SYT6: variants seen among roughly 807,000 people sequenced by gnomAD.
SYT6 encodes the protein synaptotagmin 6.
A neutral mutation model predicts 38.4 loss-of-function variants in SYT6; 24 were observed. The observed-to-expected ratio is 0.62, with a 90% CI of 0.45 to 0.88. SYT6 has a LOEUF of 0.88. Ranked by LOEUF, SYT6 falls within the 40% of genes least tolerant of loss-of-function variation. The probability of loss-of-function intolerance (pLI) is 0.00; values close to 1 mark genes in which losing one functional copy is unlikely to be tolerated. For missense variants in SYT6, 611 were observed against 621.0 expected (o/e 0.98, Z 0.17); for synonymous variants, 265 against 241.9 (o/e 1.10, Z -0.89).
At chr1:114,137,424 G>A (rs1678545849) in intron 3 of SYT6, 71 bp downstream of exon 3, 1 of 1,520,988 alleles carries the variant, frequency 6.6e-7, no homozygotes, top group Admixed American at 1.9e-5. Context: ...GGAAGTGAGG[G>A]TTTGGGGACA....
chr1:114,152,363 C>A (rs1422314928), intron 1 of SYT6: 3 of 152,366 alleles, frequency 2.0e-5, no homozygotes, highest in African/African-American at 4.8e-5. Flanking sequence ...CTAGGCCCAG[C>A]GCTACTGGGG....
chr1:114,145,151 C>T (rs958442542), intron 1 of SYT6, among the ~76,000 whole-genome samples: 2 of 152,106 alleles, frequency 1.3e-5, no homozygotes, highest in African/African-American at 4.8e-5. Context: ...AAAACCAAGC[C>T]ATTTTAATAT....
chr1:114,119,868 G>C (rs191821124), intron 3 of SYT6, among the ~76,000 whole-genome samples: 2 of 152,088 alleles, frequency 1.3e-5, no homozygotes, highest in East Asian at 3.9e-4. Flanking sequence ...TCAGGAGATC[G>C]AGACCATCCT....
intron 1 of SYT6, among the ~76,000 whole-genome samples, chr1:114,146,575 G>A (rs1679165893): frequency 6.6e-6 from 1 of 152,208 alleles, no homozygotes; most frequent in Admixed American, 6.5e-5. Context: ...TCCTGATCCA[G>A]TGCTCTTCCA....
chr1:114,103,741 AG>A lies in SYT6; in HGVS notation c.1072-21del. Reference sequence around the variant, plus strand: ...GCTTTCCTGCAAAGAAGCACACAAGAGGGCAGATGAGGGGCTTGCAGACCAT... The same window carrying A: ...GCTTTCCTGCAAAGAAGCACACAAGAGGCAGATGAGGGGCTTGCAGACCAT... On this transcript the variant is annotated intron_variant, in intron 3 of 7. Transcript: ENST00000610222. The A allele has an allele frequency of 6.2e-7, 1 of 1,609,222 alleles. No individual in the cohort carries two copies. The highest frequency in any genetic ancestry group is 1.1e-5 in the South Asian group (1 of 90,166).
At position 114,139,630 on chromosome 1, in the gene SYT6, G is replaced by A. The variant is rs749031646; in HGVS notation, c.497C>T (p.Pro166Leu). The stretch of plus-strand genomic sequence containing the variant: ...CACTCCTCACCTGGTGGATGACGCT[G>A]GCTCTGTAGTTTGCCGCTGCAGCCG... ...HTRLQRQTTE[P>L]ASSTRHTSFK... The change falls in exon 2 of 8, where the codon CCA becomes CTA. Residue 166 changes from proline to leucine, a missense_variant. Coordinates refer to ENST00000610222, the MANE Select transcript of SYT6 (RefSeq NM_001253772.2). 1.2e-6 allele frequency: 2 copies of A among 1,614,040 alleles called. No individual in the cohort carries two copies. Among genetic ancestry groups the A allele is most frequent in the East Asian group, 2.2e-5 (1 of 44,894 alleles).
chr1:114,150,318 C>A (rs1679380580), intron 1 of SYT6, among the ~76,000 whole-genome samples: 1 of 152,202 alleles, frequency 6.6e-6, no homozygotes, highest in South Asian at 2.1e-4. Flanking sequence ...AAGGGCTCTA[C>A]AACTCTTAGA....
intron 1 of SYT6, among the ~76,000 whole-genome samples, chr1:114,147,845 A>T (rs762817085): frequency 5.3e-5 from 8 of 152,232 alleles, no homozygotes; most frequent in African/African-American, 1.2e-4. Context: ...GTACACAGTG[A>T]ATGTCCCCAA....
At chr1:114,143,973 G>T (rs1055523638) in intron 1 of SYT6, among the ~76,000 whole-genome samples, 1 of 152,170 alleles carries the variant, frequency 6.6e-6, no homozygotes, top group Non-Finnish European at 1.5e-5. Context: ...GCCTCTTCTT[G>T]CTCGGAGTAG....
intron 3 of SYT6, among the ~76,000 whole-genome samples, chr1:114,126,662 G>T (rs905747413): frequency 6.6e-6 from 1 of 152,230 alleles, no homozygotes; most frequent in African/African-American, 2.4e-5. Flanking sequence ...TGATGCATGA[G>T]CTTGTTGCCT....
intron 4 of SYT6, among the ~76,000 whole-genome samples, chr1:114,101,278 C>T (rs979831776): frequency 6.6e-6 from 1 of 152,142 alleles, no homozygotes; most frequent in South Asian, 2.1e-4. Flanking sequence ...GACAGATGAC[C>T]GTTCCCTAGG....
chr1:114,146,456 C>T (rs1679160206), intron 1 of SYT6, among the ~76,000 whole-genome samples: 1 of 152,202 alleles, frequency 6.6e-6, no homozygotes, highest in African/African-American at 2.4e-5. Context: ...CCTAGGAAAT[C>T]ACAGGTGCAC....
rs534898286 is a variant in SYT6 at position 114,116,226 on chromosome 1, A to G, written c.1072-12505T>C. On this transcript the variant is annotated intron_variant, in intron 3 of 7. Transcript: ENST00000610222. ...TCTCACGAAAGTCACCTGTTAAGTC[A>G]TTCTCTCACCAAGTGCCAAACTGCT... is the stretch of plus-strand genomic sequence containing the variant. Among the ~76,000 whole-genome samples, 25 of 152,276 alleles carry G rather than the reference A, an allele frequency of 1.6e-4. No homozygotes were observed. In the South Asian group the frequency reaches 1.9e-3, roughly 11 times the overall value.
At chr1:114,098,159 C>G (rs923762534) in intron 5 of SYT6, among the ~76,000 whole-genome samples, 5 of 152,216 alleles carry the variant, frequency 3.3e-5, no homozygotes, top group African/African-American at 7.2e-5. Flanking sequence ...GTGAGACAGT[C>G]TAAGTCTCTT....
At chr1:114,124,090 C>T (rs1235470465) in intron 3 of SYT6, among the ~76,000 whole-genome samples, 1 of 152,194 alleles carries the variant, frequency 6.6e-6, no homozygotes, top group Non-Finnish European at 1.5e-5. Context: ...GTGGCAACTC[C>T]ACCCAAGCCC....
rs370803872 is a variant in SYT6 at position 114,097,772 on chromosome 1, G to A, written c.1470C>T (p.Ile490=). The change falls in exon 6 of 8, where the codon ATC becomes ATT. Residue 490 remains isoleucine (I), a synonymous_variant. Coordinates refer to ENST00000610222, the MANE Select transcript of SYT6 (RefSeq NM_001253772.2). ...NEMLAYPRKP[I]AHWHSLVEVK... ...CCTCCACCAAGGAGTGCCAGTGTGC[G>A]ATGGGCTTCCGGGGGTATGCCAGCA... The A allele has an allele frequency of 1.3e-5, 21 of 1,614,064 alleles. No individual in the cohort carries two copies. Among genetic ancestry groups the A allele is most frequent in the Middle Eastern group, 1.6e-4 (1 of 6,082 alleles).
chr1:114,103,333 G>T (rs535320266), intron 4 of SYT6, among the ~76,000 whole-genome samples: 1 of 152,244 alleles, frequency 6.6e-6, no homozygotes, highest in Non-Finnish European at 1.5e-5. Flanking sequence ...TATGTGTAAG[G>T]CACCATTCTG....
chr1:114,117,694 T>G (rs1677082313), intron 3 of SYT6, among the ~76,000 whole-genome samples: 1 of 152,160 alleles, frequency 6.6e-6, no homozygotes, highest in African/African-American at 2.4e-5. Flanking sequence ...CAGGCTCCAG[T>G]TCAGATGTTC....
intron 3 of SYT6, among the ~76,000 whole-genome samples, chr1:114,134,945 C>T (rs1472579962): frequency 2.0e-5 from 3 of 152,180 alleles, no homozygotes; most frequent in Non-Finnish European, 4.4e-5. Flanking sequence ...TAAAATTTGA[C>T]AGCACCACAT....
Sources: allele counts gnomAD v4.1 joint callset (sites outside exome capture counted in the v4.1 genomes callset), GRCh38; gene constraint gnomAD v4.1.1; transcripts MANE v1.5; gene names NCBI Gene and HGNC (gene_info 2026-07-23, HGNC 2026-07-21).